FOXP1: variants seen among roughly 807,000 people sequenced by gnomAD.
FOXP1 encodes forkhead box P1.
Under a neutral mutation model 98.2 loss-of-function variants are expected in FOXP1, and 15 were observed. The observed-to-expected ratio is 0.15, with a 90% CI of 0.10 to 0.24. FOXP1 has a LOEUF of 0.24. Ranked by LOEUF, FOXP1 falls within the 10% of genes least tolerant of loss-of-function variation. The probability of loss-of-function intolerance (pLI) is 1.00; values close to 1 mark genes in which losing one functional copy is unlikely to be tolerated. For synonymous variants in FOXP1, 371 were observed against 314.5 expected, an observed-to-expected ratio of 1.18 and a Z score of -1.90; for missense variants, 633 against 848.5, an observed-to-expected ratio of 0.75 and a Z score of 3.15.
At position 70,972,545 on chromosome 3, in the gene FOXP1, G is replaced by GA. The variant is rs1271169217; in HGVS notation, c.1652+9_1652+10insT. ...AGCTAGGCTAAGAAGTTCAAACATG[G>GA]TGGACGTACCCACTGATCTTTTGTG... On this transcript the variant is annotated intron_variant, in intron 18 of 20. Coordinates refer to ENST00000649528, the MANE Select transcript of FOXP1 (RefSeq NM_001349338.3). 7 of 1,614,182 alleles carry GA rather than the reference G, an allele frequency of 4.3e-6. No individual in the cohort carries two copies. Among genetic ancestry groups the GA allele is most frequent in the Non-Finnish European group, 5.9e-6 (7 of 1,180,034 alleles).
At chr3:71,292,234 T>C (rs1179034060) in intron 5 of FOXP1, among the ~76,000 whole-genome samples, 3 of 151,886 alleles carry the variant, frequency 2.0e-5, no homozygotes, top group Non-Finnish European at 4.4e-5. Flanking sequence ...GAGGAAAGAG[T>C]GAGCATGTAA....
chr3:71,129,241 C>G (rs2059415569), intron 6 of FOXP1, among the ~76,000 whole-genome samples: 1 of 152,190 alleles, frequency 6.6e-6, no homozygotes, highest in South Asian at 2.1e-4. Flanking sequence ...ATTACTCCTA[C>G]TGTTAAACAA....
chr3:71,248,305 T>C (rs1204046246), intron 5 of FOXP1, among the ~76,000 whole-genome samples: 2 of 152,064 alleles, frequency 1.3e-5, no homozygotes, highest in African/African-American at 2.4e-5. Flanking sequence ...TCAAAATCTG[T>C]AGGATCTCGT....
At chr3:71,341,816 A>G (rs534699205) in intron 4 of FOXP1, among the ~76,000 whole-genome samples, 1 of 152,372 alleles carries the variant, frequency 6.6e-6, no homozygotes, top group East Asian at 1.9e-4. Flanking sequence ...CGTAAGACTG[A>G]ACGACTTCTA....
intron 3 of FOXP1, among the ~76,000 whole-genome samples, chr3:71,464,254 C>T (rs1029779166): frequency 1.3e-5 from 2 of 152,048 alleles, no homozygotes; most frequent in East Asian, 1.9e-4. Context: ...CCAGCCTGGG[C>T]GACAGAACGA....
rs755709669 is a variant in FOXP1 at position 71,053,740 on chromosome 3, C to T, written c.316G>A (p.Val106Ile). The T allele has an allele frequency of 2.1e-5, 34 of 1,613,910 alleles. No individual in the cohort carries two copies. In the Middle Eastern group the frequency reaches 4.9e-4, roughly 23 times the overall value. Residue 106 changes from valine (V) to isoleucine (I), a missense_variant, in exon 8 of 21, where the codon GTT becomes ATT. Around this residue, in one of 6 missense-constraint regions of FOXP1, gnomAD observed 210 missense variants for 270.6 expected, o/e 0.78. Transcript: ENST00000649528. ...PVSVAMMTPQVITPQQMQQIL... is the reference protein window; with the variant it reads ...PVSVAMMTPQIITPQQMQQIL... ...TGCTGCATTTGCTGGGGAGTGATAA[C>T]TTGAGGTGTCATCATAGCCACTGAC...
chr3:71,539,877 A>G (rs2044649505), intron 2 of FOXP1, among the ~76,000 whole-genome samples: 1 of 152,222 alleles, frequency 6.6e-6, no homozygotes, highest in African/African-American at 2.4e-5. Context: ...GGGAGATACT[A>G]TATGTCAAGA....
chr3:71,432,089 G>A (rs1044724952), intron 3 of FOXP1, among the ~76,000 whole-genome samples: 6 of 152,164 alleles, frequency 3.9e-5, no homozygotes, highest in African/African-American at 1.4e-4. Context: ...CAAACAATGT[G>A]CCAGGAGCAC....
intron 3 of FOXP1, among the ~76,000 whole-genome samples, chr3:71,402,113 T>C (rs2081992533): frequency 6.6e-6 from 1 of 152,196 alleles, no homozygotes; most frequent in African/African-American, 2.4e-5. Flanking sequence ...TCCAGGTATT[T>C]ACTCTAAAGA....
chr3:71,012,875 T>C (rs2043858420), intron 12 of FOXP1, among the ~76,000 whole-genome samples: 1 of 152,156 alleles, frequency 6.6e-6, no homozygotes, highest in Admixed American at 6.5e-5. Context: ...TGGGCATATG[T>C]TATAGTTATA....
chr3:71,180,816 C>T (rs1288952302), intron 6 of FOXP1, among the ~76,000 whole-genome samples: 1 of 152,034 alleles, frequency 6.6e-6, no homozygotes, highest in African/African-American at 2.4e-5. Context: ...GAAATAAAAC[C>T]CTGATTCAAT....
In FOXP1 at chr3:71,232,707, T is replaced by C. The variant is rs182818876; in HGVS notation, c.-11-34315A>G. On this transcript the variant is annotated intron_variant, in intron 5 of 20. Transcript: ENST00000649528. ...TGAGTTCAGGAGTTCGAGACCAGTCTGGGCAACACGGTAAAACCCTGTGTC... is the reference window on the plus strand; with the variant it reads ...TGAGTTCAGGAGTTCGAGACCAGTCCGGGCAACACGGTAAAACCCTGTGTC... 8.4e-4 allele frequency among the ~76,000 whole-genome samples: 127 copies of C among 151,758 alleles called. 1 individual carries two copies. In the Middle Eastern group the frequency reaches 0.027, roughly 33 times the overall value.
chr3:71,398,489 C>G (rs779937078), intron 3 of FOXP1, among the ~76,000 whole-genome samples: 12 of 152,248 alleles, frequency 7.9e-5, no homozygotes, highest in Non-Finnish European at 1.5e-4. Flanking sequence ...TAATGTGAAC[C>G]CTTTTCACCC....
chr3:71,253,251 A>G (rs1381923084), intron 5 of FOXP1, among the ~76,000 whole-genome samples: 1 of 152,242 alleles, frequency 6.6e-6, no homozygotes, highest in Non-Finnish European at 1.5e-5. Context: ...CAGCAAATGC[A>G]CTGGTGTGGA....
chr3:71,545,576 A>G (rs2045293134), intron 2 of FOXP1, among the ~76,000 whole-genome samples: 1 of 152,224 alleles, frequency 6.6e-6, no homozygotes, highest in Non-Finnish European at 1.5e-5. Flanking sequence ...CTTCTAGAAC[A>G]TTATATGCTC....
intron 2 of FOXP1, among the ~76,000 whole-genome samples, chr3:71,497,849 C>A (rs1419976091): frequency 6.6e-6 from 1 of 152,150 alleles, no homozygotes; most frequent in Admixed American, 6.5e-5. Context: ...CCTGCCTCAA[C>A]CCTGCTAATC....
intron 7 of FOXP1, among the ~76,000 whole-genome samples, chr3:71,073,644 T>C (rs985501170): frequency 1.3e-5 from 2 of 152,222 alleles, no homozygotes; most frequent in African/African-American, 2.4e-5. Flanking sequence ...TCAGAGTAGA[T>C]AGATGTTTCT....
rs1237518207 is a variant in FOXP1, at chr3:70,958,215, G to GAAAAGAAA, written c.*1024_*1031dup. 5.8e-5 allele frequency: 22 copies of GAAAAGAAA among 378,778 alleles called. No homozygotes were observed. The highest frequency in any genetic ancestry group is 6.8e-4 in the Middle Eastern group (2 of 2,944). 23.5% of individuals were successfully genotyped at this position (378,778 alleles called of 1,614,324 possible). A position where few individuals can be genotyped will look rare whatever the true frequency, so the allele number is the denominator to read the frequency against. On this transcript the variant is annotated 3_prime_UTR_variant, in exon 21 of 21. Coordinates refer to ENST00000649528, the MANE Select transcript of FOXP1 (RefSeq NM_001349338.3). ...TTGCTGCAAAAAAAAAAAAAGAAAAGAAAAGAAAAAAAGAAAATCCGAAAC... is the reference window on the plus strand; with the variant it reads ...TTGCTGCAAAAAAAAAAAAAGAAAAGAAAAGAAAAAAAGAAAAAAAGAAAATCCGAAAC...
intron 3 of FOXP1, among the ~76,000 whole-genome samples, chr3:71,366,073 T>G (rs1254425897): frequency 6.6e-6 from 1 of 152,152 alleles, no homozygotes; most frequent in East Asian, 1.9e-4. Flanking sequence ...AAACAATGAG[T>G]CAAATGTATT....
Sources: gnomAD v4.1 joint callset for allele counts (sites outside exome capture counted in the v4.1 genomes callset) on GRCh38, gnomAD v4.1.1 for gene constraint, gnomAD v4.1.1 regional missense constraint, MANE v1.5 for transcripts, NCBI Gene and HGNC (gene_info 2026-07-23, HGNC 2026-07-21) for gene names.